Variants in FNDC3A observed in about 807,000 individuals in gnomAD.
FNDC3A encodes fibronectin type III domain containing 3A.
Under a neutral mutation model 148.9 loss-of-function variants are expected in FNDC3A, and 32 were observed. That is an observed-to-expected ratio of 0.21 (90% CI 0.16 to 0.29). The LOEUF (loss-of-function observed/expected upper bound fraction) is 0.29, where lower values mean the gene tolerates loss of function less well. Among genes scored for constraint, FNDC3A ranks in the 10% least tolerant of loss-of-function variants. FNDC3A has a pLI of 1.00. For synonymous variants in FNDC3A, 472 were observed against 473.6 expected (o/e 1.00, Z 0.04); for missense variants, 1,191 against 1,452.8 (o/e 0.82, Z 2.93).
At position 49,110,893 on chromosome 13, in the gene FNDC3A, G is replaced by A. The variant is rs1880522589; in HGVS notation, c.176-3762G>A. On this transcript the variant is annotated intron_variant, in intron 3 of 25. Transcript: ENST00000492622. ...TGATGGCACTTTTTAAGAAGCAGGG[G>A]TGGGGAGCTTCTCAAATTTCTTAAG... is the stretch of plus-strand genomic sequence containing the variant. Among the ~76,000 whole-genome samples the A allele has an allele frequency of 4.6e-5, 7 of 152,294 alleles. No homozygotes were observed. In the South Asian group the frequency reaches 1.4e-3, roughly 32 times the overall value.
rs142264356 is a variant in FNDC3A at position 49,151,891 on chromosome 13, C to T, written c.977+5956C>T. Among the ~76,000 whole-genome samples, 26 of 152,262 alleles carry T rather than the reference C, an allele frequency of 1.7e-4. No individual in the cohort carries two copies. The East Asian group carries it at 5.0e-3, about 29-fold the overall frequency. On this transcript the variant is annotated intron_variant, in intron 8 of 25. Transcript: ENST00000492622. ...ATGGTTTCCAGCCTCATCCATGTGC[C>T]TACAAAGGATATGAACTCATCCTTT...
At chr13:49,178,701 T>A in intron 14 of FNDC3A, 47 bp downstream of exon 14, 1 of 1,079,272 alleles carries the variant, frequency 9.3e-7, no homozygotes. Context: ...TTCCTATTCT[T>A]ACTGGTGTGG....
At chr13:49,077,988 T>A (rs2137787458) in intron 3 of FNDC3A, among the ~76,000 whole-genome samples, 1 of 152,338 alleles carries the variant, frequency 6.6e-6, no homozygotes, top group Admixed American at 6.5e-5. Context: ...GTGTACTTCA[T>A]AGAGTGTAAG....
chr13:49,090,644 C>G (rs1465356612), intron 3 of FNDC3A, among the ~76,000 whole-genome samples: 15 of 141,828 alleles, frequency 1.1e-4, no homozygotes, highest in Non-Finnish European at 1.5e-5. Context: ...AAGAACAACA[C>G]CCTTTTATCC....
intron 8 of FNDC3A, among the ~76,000 whole-genome samples, chr13:49,165,793 A>C (rs1263463692): frequency 1.3e-5 from 2 of 152,198 alleles, no homozygotes; most frequent in Non-Finnish European, 2.9e-5. Context: ...CAAGCAGTCC[A>C]TGCTGATGTT....
chr13:49,021,920 AAC>A (rs1873357297), intron 2 of FNDC3A, among the ~76,000 whole-genome samples: 2 of 152,196 alleles, frequency 1.3e-5, no homozygotes, highest in Non-Finnish European at 2.9e-5. Flanking sequence ...AACTTTGGAA[AAC>A]AGTGTTTATT....
At chr13:49,067,408 C>G (rs1378153130) in intron 2 of FNDC3A, among the ~76,000 whole-genome samples, 1 of 152,130 alleles carries the variant, frequency 6.6e-6, no homozygotes, top group Non-Finnish European at 1.5e-5. Context: ...CCTCAGCCAA[C>G]AAGTATTAAT....
chr13:48,997,541 G>A (rs935206502), intron 1 of FNDC3A, among the ~76,000 whole-genome samples: 3 of 152,138 alleles, frequency 2.0e-5, no homozygotes, highest in Non-Finnish European at 2.9e-5. Flanking sequence ...GCATGAGCAT[G>A]GGGTCCCCAT....
At chr13:49,181,102 T>C (rs1216832751) in intron 14 of FNDC3A, among the ~76,000 whole-genome samples, 1 of 152,072 alleles carries the variant, frequency 6.6e-6, no homozygotes, top group Non-Finnish European at 1.5e-5. Context: ...AACTAATTAA[T>C]TAAAGTGTGT....
chr13:49,189,558 G>T (rs545191847), intron 17 of FNDC3A, among the ~76,000 whole-genome samples: 17 of 148,698 alleles, frequency 1.1e-4, no homozygotes, highest in South Asian at 8.4e-4. Flanking sequence ...TTTTTTTTTT[G>T]AAATGAAATT....
chr13:49,042,333 T>C (rs1435990496), intron 2 of FNDC3A, among the ~76,000 whole-genome samples: 1 of 152,210 alleles, frequency 6.6e-6, no homozygotes, highest in Non-Finnish European at 1.5e-5. Context: ...TTTGTTATCT[T>C]TGGTGACTCT....
chr13:49,016,914 G>C (rs1872837563), intron 2 of FNDC3A, among the ~76,000 whole-genome samples: 2 of 150,964 alleles, frequency 1.3e-5, no homozygotes, highest in African/African-American at 4.9e-5. Context: ...GAGCGGTTTT[G>C]AGTGAGATTC....
intron 5 of FNDC3A, among the ~76,000 whole-genome samples, chr13:49,133,610 C>T (rs1361398788): frequency 6.6e-6 from 1 of 152,186 alleles, no homozygotes; most frequent in African/African-American, 2.4e-5. Context: ...ATGCACAATC[C>T]ATATGGATTC....
chr13:49,014,246 C>T (rs1345122913), intron 2 of FNDC3A, among the ~76,000 whole-genome samples: 2 of 89,446 alleles, frequency 2.2e-5, no homozygotes, highest in African/African-American at 8.9e-5. Flanking sequence ...TCTCCACATC[C>T]TCTCCAGCAC....
chr13:48,988,220 C>T (rs1951841405), intron 1 of FNDC3A, among the ~76,000 whole-genome samples: 1 of 152,124 alleles, frequency 6.6e-6, no homozygotes, highest in Non-Finnish European at 1.5e-5. Context: ...TTTAACACCC[C>T]ACTGTCAGTA....
chr13:49,171,485 T>G (rs1188118994), intron 10 of FNDC3A, among the ~76,000 whole-genome samples: 2 of 151,972 alleles, frequency 1.3e-5, no homozygotes, highest in Non-Finnish European at 2.9e-5. Flanking sequence ...ATTTTTAGAG[T>G]GATTAAATAC....
At chr13:49,135,697 T>C (rs1882315930) in intron 5 of FNDC3A, among the ~76,000 whole-genome samples, 1 of 152,334 alleles carries the variant, frequency 6.6e-6, no homozygotes, top group Admixed American at 6.5e-5. Context: ...CTGGGGACAA[T>C]TGAATTAATA....
intron 2 of FNDC3A, among the ~76,000 whole-genome samples, chr13:49,032,789 A>T (rs1215191934): frequency 6.6e-6 from 1 of 152,168 alleles, no homozygotes; most frequent in Non-Finnish European, 1.5e-5. Context: ...AATGTTCTAA[A>T]ATTTACTGTG....
intron 3 of FNDC3A, among the ~76,000 whole-genome samples, chr13:49,105,426 G>A (rs1880113122): frequency 6.6e-6 from 1 of 152,190 alleles, no homozygotes; most frequent in Non-Finnish European, 1.5e-5. Context: ...CTCTCTAAGA[G>A]ATAGCATTAG....
Sources: gnomAD v4.1 joint callset for allele counts (sites outside exome capture counted in the v4.1 genomes callset) on GRCh38, gnomAD v4.1.1 for gene constraint, MANE v1.5 for transcripts, NCBI Gene and HGNC (gene_info 2026-07-23, HGNC 2026-07-21) for gene names.